Variants in ITSN2 observed in about 807,000 individuals in gnomAD.
ITSN2 encodes intersectin 2.
A neutral mutation model predicts 243.7 loss-of-function variants in ITSN2; 156 were observed. That is an observed-to-expected ratio of 0.64 (90% CI 0.56 to 0.73). ITSN2 has a LOEUF of 0.73. Among genes scored for constraint, ITSN2 ranks in the 30% least tolerant of loss-of-function variants. The probability of loss-of-function intolerance (pLI) is 0.00; values close to 1 mark genes in which losing one functional copy is unlikely to be tolerated. For missense variants in ITSN2, 1,801 were observed against 1,996.1 expected (o/e 0.90, Z 1.86); for synonymous variants, 703 against 699.9 (o/e 1.00, Z -0.07).
At chr2:24,220,694 T>C in intron 30 of ITSN2, 1 of 1,305,362 alleles carries the variant, frequency 7.7e-7, no homozygotes, top group Non-Finnish European at 9.7e-7. Context: ...GCCCTCTTGT[T>C]CTCCCGCTTC....
Position 24,303,786 on chromosome 2 carries a change from G to A in ITSN2, c.857+13C>T, listed in dbSNP as rs560802596. The A allele has an allele frequency of 2.1e-4, 314 of 1,522,448 alleles. 3 individuals carry two copies. In the South Asian group the frequency reaches 3.0e-3, roughly 15 times the overall value. 94.3% of individuals were successfully genotyped at this position (1,522,448 alleles called of 1,614,324 possible). On this transcript the variant is annotated intron_variant, in intron 9 of 39. Coordinates refer to ENST00000355123, the MANE Select transcript of ITSN2 (RefSeq NM_006277.3). ...AGTTAAATTAATCAAATGTAATTAA[G>A]GGACAAACTTACCAAATAGTAGCCA...
chr2:24,257,479 CG>C (rs1206088074), intron 23 of ITSN2, among the ~76,000 whole-genome samples: 2 of 149,740 alleles, frequency 1.3e-5, no homozygotes, highest in Non-Finnish European at 3.0e-5. Flanking sequence ...TTTTTTAATA[CG>C]GGGTATCACT....
At chr2:24,319,209 G>A (rs1032374066) in intron 2 of ITSN2, among the ~76,000 whole-genome samples, 1 of 152,142 alleles carries the variant, frequency 6.6e-6, no homozygotes, top group African/African-American at 2.4e-5. Context: ...TAACTCTTCT[G>A]GATCACTAGG....
chr2:24,354,216 T>C (rs573712991), intron 1 of ITSN2, among the ~76,000 whole-genome samples: 5 of 152,230 alleles, frequency 3.3e-5, no homozygotes, highest in Non-Finnish European at 5.9e-5. Context: ...TCACCAACTG[T>C]GGGGCTGGCC....
At chr2:24,242,605 C>T (rs1672855244) in intron 29 of ITSN2, among the ~76,000 whole-genome samples, 1 of 152,120 alleles carries the variant, frequency 6.6e-6, no homozygotes. Context: ...CATTAATCTT[C>T]ATCTTCTTTG....
At chr2:24,217,731 C>T (rs1487562120) in intron 31 of ITSN2, among the ~76,000 whole-genome samples, 176 bp downstream of exon 31, 1 of 152,104 alleles carries the variant, frequency 6.6e-6, no homozygotes, top group African/African-American at 2.4e-5. Flanking sequence ...TTCTTCAATA[C>T]TTATGTATTT....
intron 18 of ITSN2, among the ~76,000 whole-genome samples, chr2:24,272,936 T>A (rs1357002769): frequency 6.6e-6 from 1 of 152,164 alleles, no homozygotes; most frequent in Non-Finnish European, 1.5e-5. Flanking sequence ...CCTTTGCATG[T>A]ATTTTCACAA....
chr2:24,298,010 C>T (rs1486035041), intron 13 of ITSN2, among the ~76,000 whole-genome samples: 2 of 147,146 alleles, frequency 1.4e-5, no homozygotes, highest in African/African-American at 5.1e-5. Flanking sequence ...TTTGAGATGG[C>T]GTCTCACTCT....
intron 13 of ITSN2, among the ~76,000 whole-genome samples, chr2:24,297,854 A>G (rs1454043440): frequency 1.3e-5 from 2 of 152,266 alleles, no homozygotes; most frequent in Non-Finnish European, 1.5e-5. Context: ...ATGCTACAAC[A>G]TAATTCTCAG....
chr2:24,257,000 G>A (rs550207414), intron 23 of ITSN2, among the ~76,000 whole-genome samples: 2 of 152,236 alleles, frequency 1.3e-5, no homozygotes, highest in South Asian at 4.1e-4. Flanking sequence ...AAAATGAAAA[G>A]TAACTTTTCT....
intron 2 of ITSN2, 102 bp from the exon 3 acceptor site, chr2:24,315,326 T>C: frequency 1.6e-6 from 1 of 632,332 alleles, no homozygotes; most frequent in South Asian, 2.2e-5. Context: ...TATGACAGTA[T>C]TTAATATTTG....
intron 23 of ITSN2, among the ~76,000 whole-genome samples, chr2:24,256,495 T>C (rs1375852894): frequency 6.6e-6 from 1 of 152,174 alleles, no homozygotes; most frequent in African/African-American, 2.4e-5. Context: ...TCTACCAACT[T>C]CCATATAAAA....
chr2:24,271,653 T>C (rs528056373), intron 19 of ITSN2, 113 bp downstream of exon 19: 3 of 1,336,080 alleles, frequency 2.2e-6, no homozygotes, highest in East Asian at 5.1e-5. Context: ...AAAAGGTTTT[T>C]TCTGACTCTA....
At chr2:24,212,112 T>C (rs1463496613) in intron 33 of ITSN2, among the ~76,000 whole-genome samples, 2 of 152,238 alleles carry the variant, frequency 1.3e-5, no homozygotes, top group Non-Finnish European at 2.9e-5. Flanking sequence ...GAGGGCCCTA[T>C]TGCTTATCAA....
intron 29 of ITSN2, among the ~76,000 whole-genome samples, chr2:24,229,914 T>C (rs1671414337): frequency 6.6e-6 from 1 of 152,078 alleles, no homozygotes; most frequent in South Asian, 2.1e-4. Flanking sequence ...TGCTCGTTCC[T>C]CCTCAACTCT....
chr2:24,205,834 T>C (rs927580240), intron 37 of ITSN2: 1 of 162,184 alleles, frequency 6.2e-6, no homozygotes, highest in Non-Finnish European at 1.4e-5. Flanking sequence ...TAGACTTATG[T>C]AAATTATATT....
chr2:24,300,203 ACATT>A (rs1183222514), intron 11 of ITSN2, 32 bp from the exon 12 acceptor site: 2 of 1,607,056 alleles, frequency 1.2e-6, no homozygotes, highest in Non-Finnish European at 1.7e-6. Flanking sequence ...GCATCCACAC[ACATT>A]AACAGCCTAC....
chr2:24,209,839 AGC>A lies in ITSN2; in HGVS notation c.4450_4451del (p.Ala1484SerfsTer6). ...TCACCGTTTTATACATTTTGAATTG[AGC>A]ATTGGACTTCGAGCTGAAAAGTTTC... ...SEKLFSSKSN[A>X]QFKMYKTPIF... On this transcript the variant is annotated frameshift_variant, in exon 35 of 40. Transcript: ENST00000355123. LOFTEE classifies it high-confidence loss of function. The A allele has an allele frequency of 6.2e-7, 1 of 1,614,020 alleles. No homozygotes were observed. Among genetic ancestry groups the A allele is most frequent in the Non-Finnish European group, 8.5e-7 (1 of 1,179,856 alleles).
At chr2:24,278,590 T>C (rs1678328436) in intron 17 of ITSN2, among the ~76,000 whole-genome samples, 3 of 150,518 alleles carry the variant, frequency 2.0e-5, no homozygotes, top group African/African-American at 7.3e-5. Context: ...CTACACATAA[T>C]AGTTAAGCAA....
Sources: allele counts gnomAD v4.1 joint callset (sites outside exome capture counted in the v4.1 genomes callset), GRCh38; gene constraint gnomAD v4.1.1; transcripts MANE v1.5; gene names NCBI Gene and HGNC (gene_info 2026-07-23, HGNC 2026-07-21).